Variants in SCRT2 observed in about 807,000 individuals in gnomAD.
SCRT2 encodes transcriptional repressor scratch 2.
Under a neutral mutation model 3.7 loss-of-function variants are expected in SCRT2, and 2 were observed. The ratio of observed to expected loss-of-function variants is 0.54; its 90% CI spans 0.22 to 1.70. The LOEUF is 1.70. Ranked by LOEUF, SCRT2 falls within the 40% of genes most tolerant of loss-of-function variation. The pLI is 0.19. For missense variants in SCRT2, 456 were observed against 468.5 expected (o/e 0.97, Z 0.25); for synonymous variants, 256 against 220.6 (o/e 1.16, Z -1.42).
rs1984085868 is a variant in SCRT2 at position 664,418 on chromosome 20, G to T, written c.177C>A (p.Asp59Glu). The T allele has an allele frequency of 1.5e-6, 2 of 1,340,948 alleles. No individual in the cohort carries two copies. The highest frequency in any genetic ancestry group is 1.9e-6 in the Non-Finnish European group (2 of 1,036,950). 83.1% of individuals were successfully genotyped at this position (1,340,948 alleles called of 1,614,324 possible). Residue 59 changes from aspartate (D) to glutamate (E), a missense_variant, in exon 2 of 2, where the codon GAC (aspartate) becomes GAA (glutamate). By Grantham distance (45) the Asp-to-Glu change is conservative. Coordinates refer to ENST00000246104, the MANE Select transcript of SCRT2 (RefSeq NM_033129.4). The surrounding 1 kb of genome is among the most constrained non-coding windows in gnomAD (Gnocchi z 7.9). The stretch of plus-strand genomic sequence containing the variant: ...GGGCCAGCTCCAGGCCCGGCTTCTG[G>T]TCCGCATCGTAGCTGCTCGGGGGCA... ...HRLPPSSYDADQKPGLELAPA... is the reference protein window; with the variant it reads ...HRLPPSSYDAEQKPGLELAPA...
intron 1 of SCRT2, among the ~76,000 whole-genome samples, chr20:669,669 A>AGGGCCTC (rs1984269240): frequency 1.3e-5 from 2 of 152,254 alleles, no homozygotes; most frequent in Non-Finnish European, 2.9e-5. Flanking sequence ...TTGCTGTGCC[A>AGGGCCTC]GGGCCTCGGG....
Position 664,111 on chromosome 20 carries a change from T to G in SCRT2, c.484A>C (p.Lys162Gln). 1 of 1,599,016 alleles carries G rather than the reference T, an allele frequency of 6.3e-7. No individual in the cohort carries two copies. Among genetic ancestry groups the G allele is most frequent in the Non-Finnish European group, 8.5e-7 (1 of 1,175,788 alleles). Residue 162 changes from lysine to glutamine, a missense_variant, in exon 2 of 2, where the codon AAG becomes CAG. Physicochemically the swap from Lys to Gln is moderately conservative, Grantham distance 53. This residue lies in a region of SCRT2 where 306 missense variants were observed against 305.3 expected (regional missense o/e 1.00). Transcript: ENST00000246104. The surrounding 1 kb of genome is among the most constrained non-coding windows in gnomAD (Gnocchi z 7.9). ...AGGTTCGACGACGTGGCGTAGGTCT[T>G]GCCGCACTCGGCGCACGCGTGCCGG... ...GHRHACAECG[K>Q]TYATSSNLSR...
Position 675,581 on chromosome 20 carries a change from T to A in SCRT2, c.21A>T (p.Val7=), listed in dbSNP as rs1440466980. 4 of 1,333,182 alleles carry A rather than the reference T, an allele frequency of 3.0e-6. No homozygotes were observed. 82.6% of individuals were successfully genotyped at this position (1,333,182 alleles called of 1,614,324 possible). A position where few individuals can be genotyped will look rare whatever the true frequency, so the allele number is the denominator to read the frequency against. The part of the protein sequence containing the change: MPRSFL[V]KKIKGDGFQC... ...GGAAGCCGTCCCCTTTGATCTTCTTTACCAGGAAGGAGCGCGGCATGGCGC... is the reference window on the plus strand; with the variant it reads ...GGAAGCCGTCCCCTTTGATCTTCTTAACCAGGAAGGAGCGCGGCATGGCGC... Residue 7 remains valine (V), a synonymous_variant, in exon 1 of 2, where the codon GTA becomes GTT. Coordinates refer to ENST00000246104, the MANE Select transcript of SCRT2 (RefSeq NM_033129.4). The surrounding 1 kb of genome is among the most constrained non-coding windows in gnomAD (Gnocchi z 6.9).
chr20:664,901 G>T lies in SCRT2; in HGVS notation c.134-440C>A, dbSNP rs1296230773. ...AACAACATGCTGCCGTTGCAGCCCTGTAACTTCTCTGGATCTCAGTTTTCT... is the reference window on the plus strand; with the variant it reads ...AACAACATGCTGCCGTTGCAGCCCTTTAACTTCTCTGGATCTCAGTTTTCT... On this transcript the variant is annotated intron_variant, in intron 1 of 1. Coordinates refer to ENST00000246104, the MANE Select transcript of SCRT2 (RefSeq NM_033129.4). This position sits in a 1 kb window ranked among gnomAD's most constrained non-coding sequence, Gnocchi z 7.9. Among the ~76,000 whole-genome samples, 1 of 152,190 alleles carries T rather than the reference G, an allele frequency of 6.6e-6. No individual in the cohort carries two copies. Among genetic ancestry groups the T allele is most frequent in the Non-Finnish European group, 1.5e-5 (1 of 68,040 alleles).
At position 663,533 on chromosome 20, in the gene SCRT2, G is replaced by C; in HGVS notation, c.*138C>G. 2.6e-6 allele frequency: 2 copies of C among 780,354 alleles called. No homozygotes were observed. Among genetic ancestry groups the C allele is most frequent in the Non-Finnish European group, 3.5e-6 (2 of 570,214 alleles). 48.3% of individuals were successfully genotyped at this position (780,354 alleles called of 1,614,324 possible). ...TTTGGGGGTTGGGGAGAAAAGTTCC[G>C]GGCCGGGCCGGGGGTCCCCACGAGA... On this transcript the variant is annotated 3_prime_UTR_variant, in exon 2 of 2. Transcript: ENST00000246104. The surrounding 1 kb of genome is among the most constrained non-coding windows in gnomAD (Gnocchi z 6.9).
chr20:674,431 ACACACACAC>A (rs1984453338), intron 1 of SCRT2, among the ~76,000 whole-genome samples: 1 of 115,146 alleles, frequency 8.7e-6, no homozygotes, highest in Non-Finnish European at 2.0e-5. Flanking sequence ...ACACACACAC[ACACACACAC>A]AACCCAAAGC....
At chr20:670,152 G>A (rs750631237) in intron 1 of SCRT2, among the ~76,000 whole-genome samples, 1 of 152,192 alleles carries the variant, frequency 6.6e-6, no homozygotes, top group Admixed American at 6.5e-5. Flanking sequence ...AGATTTTTCA[G>A]GGGGGTATGG....
Position 675,337 on chromosome 20 carries a change from G to T in SCRT2, c.133+132C>A. On this transcript the variant is annotated intron_variant, in intron 1 of 1. Coordinates refer to ENST00000246104, the MANE Select transcript of SCRT2 (RefSeq NM_033129.4). The surrounding 1 kb of genome is among the most constrained non-coding windows in gnomAD (Gnocchi z 6.9). ...ACGGCCCTTGGAAAGCCCGGGAGGA[G>T]CCCACGGCCAGAGAGATCTCCTCCC... is the stretch of plus-strand genomic sequence containing the variant. 1.3e-6 allele frequency: 1 copy of T among 776,916 alleles called. No individual in the cohort carries two copies. The highest frequency in any genetic ancestry group is 3.4e-5 in the East Asian group (1 of 29,454). 48.1% of individuals were successfully genotyped at this position (776,916 alleles called of 1,614,324 possible).
rs913325954 is a variant in SCRT2, at chr20:664,755, T to C, written c.134-294A>G. ...TCACAACCGCGGAGTGATGGTCTTA[T>C]AATACCCACGCTACAGGTAGAGAAA... is the stretch of plus-strand genomic sequence containing the variant. On this transcript the variant is annotated intron_variant, in intron 1 of 1. Coordinates refer to ENST00000246104, the MANE Select transcript of SCRT2 (RefSeq NM_033129.4). This position sits in a 1 kb window ranked among gnomAD's most constrained non-coding sequence, Gnocchi z 7.9. 3.9e-5 allele frequency among the ~76,000 whole-genome samples: 6 copies of C among 152,220 alleles called. No individual in the cohort carries two copies. Among genetic ancestry groups the C allele is most frequent in the African/African-American group, 1.4e-4 (6 of 41,462 alleles).
chr20:671,515 G>A (rs1984329790), intron 1 of SCRT2, among the ~76,000 whole-genome samples: 1 of 152,254 alleles, frequency 6.6e-6, no homozygotes, highest in African/African-American at 2.4e-5. Context: ...AAAAGACTGG[G>A]GAAGCCCTTT....
rs1984495053 is a variant in SCRT2, at chr20:675,374, G to C, written c.133+95C>G. Reference sequence around the variant, plus strand: ...AGAGATCTCCTCCCGGGGGTTTCCTGTCGCACGCGCCCCTCCTCGTGGCCC... The same window carrying C: ...AGAGATCTCCTCCCGGGGGTTTCCTCTCGCACGCGCCCCTCCTCGTGGCCC... On this transcript the variant is annotated intron_variant, in intron 1 of 1. Transcript: ENST00000246104. This position sits in a 1 kb window ranked among gnomAD's most constrained non-coding sequence, Gnocchi z 6.9. 9.2e-6 allele frequency: 10 copies of C among 1,087,616 alleles called. No individual in the cohort carries two copies. The highest frequency in any genetic ancestry group is 1.2e-5 in the Non-Finnish European group (10 of 846,322). 67.4% of individuals were successfully genotyped at this position (1,087,616 alleles called of 1,614,324 possible).
Position 666,039 on chromosome 20 carries a change from T to G in SCRT2, c.134-1578A>C, listed in dbSNP as rs779066915. On this transcript the variant is annotated intron_variant, in intron 1 of 1. Transcript: ENST00000246104. This position sits in a 1 kb window ranked among gnomAD's most constrained non-coding sequence, Gnocchi z 4.4. ...TGGGATGGACACAGGGTGAAGTCTG[T>G]GTGCCCCTGAAGGCAAGGGTGTGCC... is the stretch of plus-strand genomic sequence containing the variant. Among the ~76,000 whole-genome samples the G allele has an allele frequency of 6.6e-6, 1 of 152,208 alleles. No individual in the cohort carries two copies. Among genetic ancestry groups the G allele is most frequent in the Admixed American group, 6.5e-5 (1 of 15,282 alleles).
chr20:664,455 G>A lies in SCRT2; in HGVS notation c.140C>T (p.Ala47Val), dbSNP rs762935690. The change falls in exon 2 of 2, where the codon GCC becomes GTC. Residue 47 changes from alanine (A) to valine (V), a missense_variant. Transcript: ENST00000246104. The surrounding 1 kb of genome is among the most constrained non-coding windows in gnomAD (Gnocchi z 7.9). ...ARGPPGDNGYAPHRLPPSSYD... is the reference protein window; with the variant it reads ...ARGPPGDNGYVPHRLPPSSYD... ...GCTGCTCGGGGGCAGGCGGTGCGGG[G>A]CGTACCCTGGAGGGGGCGAGAAGTG... The A allele has an allele frequency of 3.1e-4, 386 of 1,265,480 alleles. No individual in the cohort carries two copies. Among genetic ancestry groups the A allele is most frequent in the Non-Finnish European group, 3.7e-4 (370 of 1,003,118 alleles). 78.4% of individuals were successfully genotyped at this position (1,265,480 alleles called of 1,614,324 possible).
chr20:664,190 C>T lies in SCRT2; in HGVS notation c.405G>A (p.Ala135=). Residue 135 remains alanine, a synonymous_variant, in exon 2 of 2, where the codon GCG becomes GCA. Coordinates refer to ENST00000246104, the MANE Select transcript of SCRT2 (RefSeq NM_033129.4). The surrounding 1 kb of genome is among the most constrained non-coding windows in gnomAD (Gnocchi z 7.9). ...GCCCCGCGCGCCCCCCGGCGCCCCC[C>T]GCGTCTCCCGAGCCCCCCGCGTCCC... is the stretch of plus-strand genomic sequence containing the variant. ...GGGDAGGSGD[A]GGAGGRAGRA... 9.2e-7 allele frequency: 1 copy of T among 1,082,120 alleles called. No individual in the cohort carries two copies. Among genetic ancestry groups the T allele is most frequent in the East Asian group, 5.7e-5 (1 of 17,434 alleles). The allele number at this position is 1,082,120 out of a possible 1,614,324, so 67.0% of individuals were successfully genotyped here.
chr20:674,163 A>T (rs1984434182), intron 1 of SCRT2, among the ~76,000 whole-genome samples: 1 of 152,006 alleles, frequency 6.6e-6, no homozygotes, highest in South Asian at 2.1e-4. Context: ...TTTGACCTTG[A>T]TGAGGTCACA....
rs1838728090 is a variant in SCRT2, at chr20:664,677, A to C, written c.134-216T>G. On this transcript the variant is annotated intron_variant, in intron 1 of 1. Transcript: ENST00000246104. The surrounding 1 kb of genome is among the most constrained non-coding windows in gnomAD (Gnocchi z 7.9). The stretch of plus-strand genomic sequence containing the variant: ...GTGCAAATAGCCGCCACCCCAACCC[A>C]CGGAGCATGGGGCCAGCACGGTTGT... 6.6e-6 allele frequency among the ~76,000 whole-genome samples: 1 copy of C among 152,156 alleles called. No homozygotes were observed. Among genetic ancestry groups the C allele is most frequent in the Non-Finnish European group, 1.5e-5 (1 of 68,038 alleles).
chr20:672,343 C>T (rs1053700000), intron 1 of SCRT2, among the ~76,000 whole-genome samples: 1 of 151,290 alleles, frequency 6.6e-6, no homozygotes, highest in Non-Finnish European at 1.5e-5. Context: ...TTCTGCCTGG[C>T]GGTAGAGGCT....
chr20:667,809 A>C lies in SCRT2; in HGVS notation c.134-3348T>G, dbSNP rs2122348589. ...GCATCCTGTGAGAGTTTGTGTGGTCATGTTAGGAGGAGGTGGTTCTAACTT... is the reference window on the plus strand; with the variant it reads ...GCATCCTGTGAGAGTTTGTGTGGTCCTGTTAGGAGGAGGTGGTTCTAACTT... On this transcript the variant is annotated intron_variant, in intron 1 of 1. Coordinates refer to ENST00000246104, the MANE Select transcript of SCRT2 (RefSeq NM_033129.4). This position sits in a 1 kb window ranked among gnomAD's most constrained non-coding sequence, Gnocchi z 4.4. Among the ~76,000 whole-genome samples the C allele has an allele frequency of 6.6e-6, 1 of 152,280 alleles. No homozygotes were observed. The highest frequency in any genetic ancestry group is 3.4e-3 in the Middle Eastern group (1 of 294).
In SCRT2 at chr20:664,577, G is replaced by C; in HGVS notation, c.134-116C>G. On this transcript the variant is annotated intron_variant, in intron 1 of 1. Coordinates refer to ENST00000246104, the MANE Select transcript of SCRT2 (RefSeq NM_033129.4). This position sits in a 1 kb window ranked among gnomAD's most constrained non-coding sequence, Gnocchi z 7.9. ...TGGCGCCCCTGTGGCAGCTCCGACA[G>C]TGGTGGTCTCCGACCTGCACCTCAG... The C allele has an allele frequency of 2.9e-6, 2 of 696,110 alleles. No individual in the cohort carries two copies. Among genetic ancestry groups the C allele is most frequent in the Non-Finnish European group, 4.0e-6 (2 of 497,150 alleles). 43.1% of individuals were successfully genotyped at this position (696,110 alleles called of 1,614,324 possible).
Sources: allele counts gnomAD v4.1 joint callset (sites outside exome capture counted in the v4.1 genomes callset), GRCh38; gene constraint gnomAD v4.1.1; regional missense constraint gnomAD v4.1.1; non-coding constraint Gnocchi (gnomAD v3.1); transcripts MANE v1.5; gene names NCBI Gene and HGNC (gene_info 2026-07-23, HGNC 2026-07-21).